MTERF4: variants seen among roughly 807,000 people sequenced by gnomAD.
MTERF4 encodes mitochondrial transcription termination factor 4.
A neutral mutation model predicts 22.5 loss-of-function variants in MTERF4; 17 were observed. The observed-to-expected ratio is 0.75, with a 90% CI of 0.52 to 1.13. The LOEUF (loss-of-function observed/expected upper bound fraction) is 1.13, where lower values mean the gene tolerates loss of function less well. Among genes scored for constraint, MTERF4 ranks in the 50% most tolerant of loss-of-function variants. The pLI is 0.00. For synonymous variants in MTERF4, 165 were observed against 175.3 expected, an observed-to-expected ratio of 0.94 and a Z score of 0.47; for missense variants, 420 against 466.8, an observed-to-expected ratio of 0.90 and a Z score of 0.92.
downstream of MTERF4, chr2:241,087,656 T>A: frequency 7.1e-7 from 1 of 1,406,362 alleles, no homozygotes; most frequent in Non-Finnish European, 9.2e-7. Context: ...TATATGTGCA[T>A]GTGAGCATAC....
In MTERF4 at chr2:241,096,545, C is replaced by T; in HGVS notation, c.706-107G>A. On this transcript the variant is annotated intron_variant, in intron 3 of 3. Transcript: ENST00000391980. This position sits in a 1 kb window ranked among gnomAD's most constrained non-coding sequence, Gnocchi z 5.1. Reference sequence around the variant, plus strand: ...GTACAAAAGGATTCAAAAAGAATTGCCTAATTGACAACAGCGAATACCCAG... The same window carrying T: ...GTACAAAAGGATTCAAAAAGAATTGTCTAATTGACAACAGCGAATACCCAG... The T allele has an allele frequency of 7.9e-7, 1 of 1,263,260 alleles. No individual in the cohort carries two copies. 78.3% of individuals were successfully genotyped at this position (1,263,260 alleles called of 1,614,324 possible).
At chr2:241,064,842 AG>A in the MTERF4 span, 1 of 1,582,190 alleles carries the variant, frequency 6.3e-7, no homozygotes, top group Non-Finnish European at 8.6e-7. The surrounding 1 kb of genome is among the most constrained non-coding windows in gnomAD (Gnocchi z 7.0). Flanking sequence ...TTCTCCCCTC[AG>A]TGAGTGACCC....
At chr2:241,089,417 A>G, downstream of MTERF4, 1 of 1,550,158 alleles carries the variant, frequency 6.5e-7, no homozygotes, top group Non-Finnish European at 8.7e-7. Flanking sequence ...AACAAACAGA[A>G]GCAAAACAGC....
downstream of MTERF4, chr2:241,089,470 C>T: frequency 1.3e-6 from 2 of 1,527,578 alleles, no homozygotes; most frequent in Non-Finnish European, 8.8e-7. Context: ...AGAGTGTCCA[C>T]ACCCCCTTGG....
downstream of MTERF4, chr2:241,071,646 GC>G: frequency 1.3e-6 from 2 of 1,573,720 alleles, no homozygotes. Context: ...AGAACAGACC[GC>G]CCCCGGCGCG....
the MTERF4 span, chr2:241,053,268 C>T: frequency 3.1e-6 from 5 of 1,603,600 alleles, no homozygotes; most frequent in Non-Finnish European, 4.3e-6. Context: ...TGAGCGCCCC[C>T]AGCCGCATCC....
the MTERF4 span, among the ~76,000 whole-genome samples, chr2:241,060,951 A>G: frequency 0.088 from 13,436 of 152,104 alleles, 1,085 homozygotes; most frequent in African/African-American, 0.21. Flanking sequence ...ACCAAAAAAA[A>G]CTATATAATT....
At chr2:241,082,755 A>C (rs2063389585), downstream of MTERF4, among the ~76,000 whole-genome samples, 1 of 152,224 alleles carries the variant, frequency 6.6e-6, no homozygotes, top group African/African-American at 2.4e-5. Flanking sequence ...CAGTTCTGCC[A>C]TTAACTCATG....
chr2:241,092,614 C>T (rs2064107764), downstream of MTERF4: 1 of 152,220 alleles, frequency 6.6e-6, no homozygotes, highest in South Asian at 2.1e-4. This position sits in a 1 kb window ranked among gnomAD's most constrained non-coding sequence, Gnocchi z 4.6. Context: ...AGCTAAGGCA[C>T]ACTGCCACGA....
At chr2:241,058,780 C>G in the MTERF4 span, among the ~76,000 whole-genome samples, 1 of 152,238 alleles carries the variant, frequency 6.6e-6, no homozygotes, top group African/African-American at 2.4e-5. Flanking sequence ...GAAACCCCGT[C>G]TCTACTAAAA....
the MTERF4 span, among the ~76,000 whole-genome samples, chr2:241,064,598 T>C: frequency 6.6e-6 from 1 of 152,190 alleles, no homozygotes; most frequent in South Asian, 2.1e-4. The surrounding 1 kb of genome is among the most constrained non-coding windows in gnomAD (Gnocchi z 7.0). Context: ...CCTGTCCTGA[T>C]CCAGTGTCTC....
chr2:241,100,666 T>C (rs1033137437), intron 1 of MTERF4, among the ~76,000 whole-genome samples: 3 of 152,156 alleles, frequency 2.0e-5, no homozygotes, highest in Non-Finnish European at 4.4e-5. Context: ...TTTGCCCTTA[T>C]GATTTTCTGA....
At chr2:241,072,174 A>G in exon 5 of MTERF4, 1 of 643,936 alleles carries the variant, frequency 1.6e-6, no homozygotes. Flanking sequence ...GGTCTGAGAC[A>G]TTACAGCAGC....
Position 241,073,176 on chromosome 2 carries a change from TGA to T in MTERF4, n.2984_2985del. ...CCCCACCAGGGACATCCGTGCTCCC[TGA>T]GATATAGAAGCACTCAAAAGGGTGG... On this transcript the variant is annotated non_coding_transcript_exon_variant, in exon 5 of 5. Transcript: ENST00000464344. This position sits in a 1 kb window ranked among gnomAD's most constrained non-coding sequence, Gnocchi z 6.6. 1.1e-6 allele frequency: 1 copy of T among 915,322 alleles called. No homozygotes were observed. The highest frequency in any genetic ancestry group is 2.7e-5 in the East Asian group (1 of 37,460). The allele number at this position is 915,322 out of a possible 1,614,324, so 56.7% of individuals were successfully genotyped here.
At chr2:241,102,223 G>A in intron 1 of MTERF4, 30 bp downstream of exon 1, 1 of 1,548,342 alleles carries the variant, frequency 6.5e-7, no homozygotes, top group Non-Finnish European at 8.7e-7. Flanking sequence ...CTGCGACCCG[G>A]AGAAGCCCGC....
downstream of MTERF4, chr2:241,094,068 C>T (rs1233634999): frequency 2.1e-5 from 7 of 331,442 alleles, no homozygotes; most frequent in Non-Finnish European, 4.2e-5. The surrounding 1 kb of genome is among the most constrained non-coding windows in gnomAD (Gnocchi z 4.3). Flanking sequence ...CGGGATGCCA[C>T]AATGGAAGAG....
the MTERF4 span, chr2:241,049,817 C>A: frequency 1.2e-6 from 2 of 1,612,784 alleles, no homozygotes; most frequent in Non-Finnish European, 1.7e-6. Context: ...CCGCCCCCAG[C>A]CCTGCCATCA....
intron 1 of MTERF4, among the ~76,000 whole-genome samples, chr2:241,101,469 C>T (rs1172995579): frequency 6.6e-6 from 1 of 152,198 alleles, no homozygotes. Context: ...AGGCAAGGGA[C>T]GGTACCGGGG....
chr2:241,095,969 G>A lies in MTERF4; in HGVS notation c.*29C>T, dbSNP rs1254813522. The A allele has an allele frequency of 6.2e-7, 1 of 1,603,684 alleles. No homozygotes were observed. The highest frequency in any genetic ancestry group is 1.7e-5 in the Admixed American group (1 of 58,892). ...TGAAAAGCTTCCTTGATATCTCTGGGCCCTTTCGCTCTAGTCCTTCCATCA... is the reference window on the plus strand; with the variant it reads ...TGAAAAGCTTCCTTGATATCTCTGGACCCTTTCGCTCTAGTCCTTCCATCA... On this transcript the variant is annotated 3_prime_UTR_variant, in exon 4 of 4. Transcript: ENST00000391980.
Sources: gnomAD v4.1 joint callset for allele counts (sites outside exome capture counted in the v4.1 genomes callset) on GRCh38, gnomAD v4.1.1 for gene constraint, Gnocchi (gnomAD v3.1) non-coding constraint, MANE v1.5 for transcripts, NCBI Gene and HGNC (gene_info 2026-07-23, HGNC 2026-07-21) for gene names.